The following PLD1 variants were observed in gnomAD, a reference collection of about 807,000 sequenced individuals.
PLD1 encodes choline phosphatase 1.
In PLD1, 112 loss-of-function variants were observed where a neutral mutation model predicts 137.1. That is an observed-to-expected ratio of 0.82 (90% CI 0.70 to 0.96). PLD1 has a LOEUF of 0.96. Ranked by LOEUF, PLD1 falls within the 40% of genes least tolerant of loss-of-function variation. The pLI is 0.00. For missense variants in PLD1, 1,321 were observed against 1,342.0 expected (o/e 0.98, Z 0.24); for synonymous variants, 431 against 454.7 (o/e 0.95, Z 0.66).
chr3:171,677,327 T>C (rs1230850486), intron 17 of PLD1, among the ~76,000 whole-genome samples: 4 of 152,168 alleles, frequency 2.6e-5, no homozygotes, highest in South Asian at 2.1e-4. Flanking sequence ...AATATGCCTA[T>C]AAAAATCTGG....
At chr3:171,807,442 G>A (rs1723895073) in intron 1 of PLD1, among the ~76,000 whole-genome samples, 1 of 152,208 alleles carries the variant, frequency 6.6e-6, no homozygotes, top group Admixed American at 6.5e-5. Context: ...TCTTGTGGAT[G>A]GATGGTGGTG....
intron 1 of PLD1, among the ~76,000 whole-genome samples, chr3:171,742,633 T>C (rs1206126357): frequency 6.6e-6 from 1 of 152,200 alleles, no homozygotes; most frequent in African/African-American, 2.4e-5. Flanking sequence ...TATGGGGATA[T>C]CTTGTTTTCC....
intron 7 of PLD1, among the ~76,000 whole-genome samples, chr3:171,725,052 T>C (rs1447316110): frequency 6.6e-6 from 1 of 152,172 alleles, no homozygotes; most frequent in East Asian, 1.9e-4. Flanking sequence ...ACCTTAAGCA[T>C]CCTGTCTCCT....
chr3:171,611,525 G>A (rs1732656937), intron 25 of PLD1: 8 of 505,074 alleles, frequency 1.6e-5, no homozygotes, highest in East Asian at 5.5e-5. Context: ...CAGCTGAAAC[G>A]AGCCCAGCTT....
At chr3:171,626,495 C>A in intron 23 of PLD1, among the ~76,000 whole-genome samples, 1 of 152,124 alleles carries the variant, frequency 6.6e-6, no homozygotes, top group East Asian at 1.9e-4. Context: ...TCAGGAAATA[C>A]AGAGAACGCC....
At chr3:171,647,595 G>A (rs1246839233) in intron 21 of PLD1, among the ~76,000 whole-genome samples, 1 of 152,010 alleles carries the variant, frequency 6.6e-6, no homozygotes, top group Non-Finnish European at 1.5e-5. Flanking sequence ...GATTACAGGT[G>A]TGCACCACCA....
Position 171,602,718 on chromosome 3 carries a change from G to A in PLD1, c.*360C>T, listed in dbSNP as rs1474068862. On this transcript the variant is annotated 3_prime_UTR_variant, in exon 27 of 27. Transcript: ENST00000351298. ...GGCTGCATAAATGAAGATCAGAGAA[G>A]AATAAGGAGATTCAGACAACTTTTG... is the stretch of plus-strand genomic sequence containing the variant. The A allele has an allele frequency of 2.0e-5, 5 of 253,950 alleles. No individual in the cohort carries two copies. Among genetic ancestry groups the A allele is most frequent in the Non-Finnish European group, 3.8e-5 (5 of 130,990 alleles). The allele number at this position is 253,950 out of a possible 1,614,324, so 15.7% of individuals were successfully genotyped here.
At chr3:171,725,954 C>T in intron 7 of PLD1, 64 bp downstream of exon 7, 1 of 1,079,206 alleles carries the variant, frequency 9.3e-7, no homozygotes, top group Non-Finnish European at 1.4e-6. Context: ...TGGCATGCTG[C>T]TACGTTAAGT....
rs1030567851 is a variant in PLD1, at chr3:171,612,699, G to A, written c.2729-267C>T. On this transcript the variant is annotated intron_variant, in intron 24 of 26. Coordinates refer to ENST00000351298, the MANE Select transcript of PLD1 (RefSeq NM_002662.5). The surrounding 1 kb of genome is among the most constrained non-coding windows in gnomAD (Gnocchi z 4.1). Reference sequence around the variant, plus strand: ...TGGTGCTAGCCAATGTGACATGAAGGAAAGCTTCTGAGAAAGAGTTTCCCC... The same window carrying A: ...TGGTGCTAGCCAATGTGACATGAAGAAAAGCTTCTGAGAAAGAGTTTCCCC... Among the ~76,000 whole-genome samples, 4 of 152,134 alleles carry A rather than the reference G, an allele frequency of 2.6e-5. No individual in the cohort carries two copies. The highest frequency in any genetic ancestry group is 2.0e-4 in the Admixed American group (3 of 15,278).
At chr3:171,752,916 G>T (rs935797291) in intron 1 of PLD1, among the ~76,000 whole-genome samples, 1 of 152,164 alleles carries the variant, frequency 6.6e-6, no homozygotes, top group African/African-American at 2.4e-5. Context: ...CACACATGAT[G>T]ATCTAGGCAT....
At chr3:171,659,356 G>A (rs1024771875) in intron 20 of PLD1, 55 bp from the exon 21 acceptor site, 3 of 1,081,466 alleles carry the variant, frequency 2.8e-6, no homozygotes, top group East Asian at 2.4e-5. Context: ...AGCAATATAC[G>A]TAAGAACAAT....
At chr3:171,712,261 G>A (rs1717304864) in intron 9 of PLD1, among the ~76,000 whole-genome samples, 1 of 152,226 alleles carries the variant, frequency 6.6e-6, no homozygotes, top group African/African-American at 2.4e-5. Flanking sequence ...GCTGAGAGGA[G>A]TGAAGCATCC....
At chr3:171,656,704 T>C (rs1247612116) in intron 21 of PLD1, among the ~76,000 whole-genome samples, 2 of 152,198 alleles carry the variant, frequency 1.3e-5, no homozygotes, top group South Asian at 2.1e-4. Context: ...TGAGATCCAC[T>C]GTACACACTG....
chr3:171,730,988 T>C (rs1718899622), intron 6 of PLD1, among the ~76,000 whole-genome samples: 1 of 151,112 alleles, frequency 6.6e-6, no homozygotes, highest in South Asian at 2.1e-4. Context: ...ATTTCTAAGC[T>C]GATCATAGCA....
At chr3:171,754,714 C>T (rs1720892813) in intron 1 of PLD1, among the ~76,000 whole-genome samples, 1 of 152,174 alleles carries the variant, frequency 6.6e-6, no homozygotes, top group Non-Finnish European at 1.5e-5. Context: ...AGAGATAACA[C>T]TTCCATTTTT....
chr3:171,713,648 G>A (rs1451308965), intron 9 of PLD1, among the ~76,000 whole-genome samples: 1 of 152,152 alleles, frequency 6.6e-6, no homozygotes, highest in Non-Finnish European at 1.5e-5. Context: ...CTGGCAAATT[G>A]AGTAGTAATT....
rs144128439 is a variant in PLD1 at position 171,758,547 on chromosome 3, T to C, written c.-31-20465A>G. 1.5e-3 allele frequency among the ~76,000 whole-genome samples: 234 copies of C among 152,328 alleles called. 2 individuals carry two copies. Among genetic ancestry groups the C allele is most frequent in the East Asian group, 0.014 (75 of 5,184 alleles). On this transcript the variant is annotated intron_variant, in intron 1 of 26. Transcript: ENST00000351298. Reference sequence around the variant, plus strand: ...GCATCATCCAGGAGCTTGTTGGAAATGCAAAACCTTGGCCACACTCTGGAA... The same window carrying C: ...GCATCATCCAGGAGCTTGTTGGAAACGCAAAACCTTGGCCACACTCTGGAA...
At position 171,708,692 on chromosome 3, in the gene PLD1, T is replaced by C. The variant is rs181690285; in HGVS notation, c.1145+63A>G. The C allele has an allele frequency of 5.8e-5, 51 of 872,962 alleles. No homozygotes were observed. The African/African-American group carries it at 7.1e-4, about 12-fold the overall frequency. 54.1% of individuals were successfully genotyped at this position (872,962 alleles called of 1,614,324 possible). On this transcript the variant is annotated intron_variant, in intron 11 of 26. Coordinates refer to ENST00000351298, the MANE Select transcript of PLD1 (RefSeq NM_002662.5). ...AATGTGTAATTCTTGAACAGCACTA[T>C]ACCACTGTACATTTCTAAACATAGA...
chr3:171,756,247 T>C (rs749731321), intron 1 of PLD1, among the ~76,000 whole-genome samples: 17 of 152,232 alleles, frequency 1.1e-4, no homozygotes, highest in Non-Finnish European at 1.9e-4. Context: ...CTAAAAAGTC[T>C]TCAGTAAAAA....
Sources: gnomAD v4.1 joint callset for allele counts (sites outside exome capture counted in the v4.1 genomes callset) on GRCh38, gnomAD v4.1.1 for gene constraint, Gnocchi (gnomAD v3.1) non-coding constraint, MANE v1.5 for transcripts, NCBI Gene and HGNC (gene_info 2026-07-23, HGNC 2026-07-21) for gene names.